ITPR1: variants seen among roughly 807,000 people sequenced by gnomAD.
ITPR1 encodes inositol 1,4,5-trisphosphate-gated calcium channel ITPR1.
Under a neutral mutation model 318.4 loss-of-function variants are expected in ITPR1, and 96 were observed. The ratio of observed to expected loss-of-function variants is 0.30; its 90% CI spans 0.26 to 0.36. The LOEUF (loss-of-function observed/expected upper bound fraction) is 0.36. ITPR1 is among the 10% of genes least tolerant of loss of function. ITPR1 has a pLI of 1.00. For missense variants in ITPR1, 2,440 were observed against 3,460.2 expected (o/e 0.71, Z 7.40); for synonymous variants, 1,312 against 1,289.9 (o/e 1.02, Z -0.37).
chr3:4,607,316 A>G (rs2091769837), intron 4 of ITPR1, among the ~76,000 whole-genome samples: 1 of 152,170 alleles, frequency 6.6e-6, no homozygotes, highest in African/African-American at 2.4e-5. Context: ...GTTAGAATTC[A>G]GTTATCCTGC....
At chr3:4,669,839 A>T in intron 19 of ITPR1, 66 bp downstream of exon 19, 1 of 1,442,918 alleles carries the variant, frequency 6.9e-7, no homozygotes, top group East Asian at 2.5e-5. Context: ...CTCATGAGGA[A>T]TAAAACCTAG....
intron 4 of ITPR1, among the ~76,000 whole-genome samples, chr3:4,533,797 C>G (rs539078557): frequency 4.3e-4 from 66 of 152,316 alleles, no homozygotes; most frequent in Admixed American, 2.4e-3. Flanking sequence ...TCTCTCCTCG[C>G]ACGAGCCTTG....
chr3:4,665,686 A>G (rs1042414512), intron 17 of ITPR1, among the ~76,000 whole-genome samples: 16 of 151,824 alleles, frequency 1.1e-4, no homozygotes, highest in Admixed American at 2.0e-4. Context: ...CATGATCTTT[A>G]TTTTGTTTCT....
intron 61 of ITPR1, among the ~76,000 whole-genome samples, chr3:4,843,537 A>T (rs11714953): frequency 0.26 from 39,651 of 152,008 alleles, 5,527 homozygotes; most frequent in Middle Eastern, 0.37. Flanking sequence ...TGAGTCAGAA[A>T]CTCTGTTTCT....
intron 44 of ITPR1, among the ~76,000 whole-genome samples, chr3:4,744,429 C>G (rs1238571681): frequency 6.6e-6 from 1 of 152,182 alleles, no homozygotes; most frequent in African/African-American, 2.4e-5. Flanking sequence ...CAGTCTTCCT[C>G]TGGAGGTTCA....
chr3:4,663,660 C>T (rs1228883391), intron 16 of ITPR1, among the ~76,000 whole-genome samples: 1 of 152,200 alleles, frequency 6.6e-6, no homozygotes, highest in Non-Finnish European at 1.5e-5. Context: ...ACATCATTAT[C>T]ACCTGAAGTC....
intron 51 of ITPR1, among the ~76,000 whole-genome samples, chr3:4,785,215 T>C (rs2047106491): frequency 6.6e-6 from 1 of 152,246 alleles, no homozygotes; most frequent in African/African-American, 2.4e-5. Flanking sequence ...TGTGTCACTT[T>C]TCCAGCCACC....
At chr3:4,627,168 TA>T (rs1272392874) in intron 4 of ITPR1, among the ~76,000 whole-genome samples, 20 of 140,054 alleles carry the variant, frequency 1.4e-4, no homozygotes, top group African/African-American at 6.2e-4. Flanking sequence ...GTTGGATTTG[TA>T]TAAAAAAAAA....
chr3:4,731,346 T>C (rs958844875), intron 42 of ITPR1, among the ~76,000 whole-genome samples: 1 of 152,168 alleles, frequency 6.6e-6, no homozygotes, highest in African/African-American at 2.4e-5. Flanking sequence ...GAAACTTTCT[T>C]CCCCACCTGT....
At chr3:4,601,249 TG>T (rs2091258040) in intron 4 of ITPR1, among the ~76,000 whole-genome samples, 1 of 148,734 alleles carries the variant, frequency 6.7e-6, no homozygotes, top group Admixed American at 6.8e-5. Flanking sequence ...CCAGGCTCAT[TG>T]GCTCCTGCCT....
intron 17 of ITPR1, among the ~76,000 whole-genome samples, chr3:4,665,717 C>G (rs748709520): frequency 1.1e-4 from 17 of 152,088 alleles, no homozygotes; most frequent in Non-Finnish European, 2.5e-4. Context: ...TTATGACATT[C>G]TAAGTCATTG....
At chr3:4,513,947 C>T (rs1009774302) in intron 2 of ITPR1, among the ~76,000 whole-genome samples, 2 of 152,124 alleles carry the variant, frequency 1.3e-5, no homozygotes, top group African/African-American at 4.8e-5. Context: ...TTTAGCCAGG[C>T]ATGGCGGTGG....
chr3:4,709,656 G>C (rs1342820419), intron 37 of ITPR1, among the ~76,000 whole-genome samples: 3 of 152,286 alleles, frequency 2.0e-5, no homozygotes, highest in Admixed American at 2.0e-4. Flanking sequence ...TGGTTTTGCT[G>C]CTCTTTCAAC....
At chr3:4,520,831 A>G (rs749928716) in intron 3 of ITPR1, among the ~76,000 whole-genome samples, 193 bp from the exon 4 acceptor site, 16 of 152,240 alleles carry the variant, frequency 1.1e-4, no homozygotes, top group Non-Finnish European at 2.2e-4. Context: ...TGTCCTTCAC[A>G]GAACAGAACC....
chr3:4,594,913 C>T (rs1448720192), intron 4 of ITPR1, among the ~76,000 whole-genome samples: 3 of 110,366 alleles, frequency 2.7e-5, no homozygotes, highest in Admixed American at 8.9e-5. Context: ...GATCGTATCA[C>T]CCTGGATGAG....
intron 4 of ITPR1, among the ~76,000 whole-genome samples, chr3:4,624,031 G>A (rs947728898): frequency 6.6e-6 from 1 of 152,168 alleles, no homozygotes; most frequent in Admixed American, 6.5e-5. Context: ...GTTAGGTGAC[G>A]TGCTTGACTT....
chr3:4,695,890 TC>T (rs2094549929), intron 33 of ITPR1, among the ~76,000 whole-genome samples: 1 of 152,212 alleles, frequency 6.6e-6, no homozygotes, highest in African/African-American at 2.4e-5. Context: ...TGTGTACACT[TC>T]CGTCCAGGGT....
At chr3:4,664,758 G>A (rs1479551665) in intron 16 of ITPR1, among the ~76,000 whole-genome samples, 2 of 152,200 alleles carry the variant, frequency 1.3e-5, no homozygotes, top group Admixed American at 6.5e-5. Context: ...CTACACCTCT[G>A]TGATATAGGC....
intron 28 of ITPR1, 85 bp downstream of exon 28, chr3:4,683,883 A>G: frequency 4.1e-6 from 5 of 1,207,786 alleles, no homozygotes; most frequent in Non-Finnish European, 1.2e-6. Context: ...TTTAGGTATA[A>G]ATGTGATAGG....
Sources: gnomAD v4.1 joint callset for allele counts (sites outside exome capture counted in the v4.1 genomes callset) on GRCh38, gnomAD v4.1.1 for gene constraint, MANE v1.5 for transcripts, NCBI Gene and HGNC (gene_info 2026-07-23, HGNC 2026-07-21) for gene names.